The following SNRNP25 variants were observed in gnomAD, a reference collection of about 807,000 sequenced individuals.
SNRNP25 encodes the protein U11/U12 small nuclear ribonucleoprotein 25 kDa protein.
In SNRNP25, 21 loss-of-function variants were observed where a neutral mutation model predicts 23.9. The ratio of observed to expected loss-of-function variants is 0.88; its 90% CI spans 0.62 to 1.27. SNRNP25 has a LOEUF of 1.27. Among genes scored for constraint, SNRNP25 ranks in the 50% most tolerant of loss-of-function variants. SNRNP25 has a pLI of 0.00. For missense variants in SNRNP25, 160 were observed against 156.9 expected (o/e 1.02, Z -0.11); for synonymous variants, 63 against 60.4 (o/e 1.04, Z -0.20).
Position 56,557 on chromosome 16 carries a change from G to A in SNRNP25, c.258G>A (p.Thr86=), listed in dbSNP as rs754019970. 14 of 1,613,910 alleles carry A rather than the reference G, an allele frequency of 8.7e-6. No individual in the cohort carries two copies. Among genetic ancestry groups the A allele is most frequent in the African/African-American group, 4.0e-5 (3 of 74,918 alleles). Residue 86 remains threonine, a synonymous_variant, in exon 4 of 5, where the codon ACG becomes ACA. Transcript: ENST00000293861. Reference sequence around the variant, plus strand: ...CTTGCAGGTCCTACGTGTGGAGGACGTACCATCTGACCTCTGCAGGAGAGA... The same window carrying A: ...CTTGCAGGTCCTACGTGTGGAGGACATACCATCTGACCTCTGCAGGAGAGA... ...QHISWSYVWR[T]YHLTSAGEKL...
chr16:54,208 CG>C, intron 1 of SNRNP25, 150 bp downstream of exon 1: 1 of 865,138 alleles, frequency 1.2e-6, no homozygotes, highest in South Asian at 1.6e-5. Flanking sequence ...TAACCTTGAC[CG>C]GGCGCACTCG....
chr16:56,748 C>G, intron 4 of SNRNP25, 135 bp downstream of exon 4: 1 of 932,986 alleles, frequency 1.1e-6, no homozygotes, highest in East Asian at 2.5e-5. Flanking sequence ...TGGGGCCCTC[C>G]CCACTAGGAG....
chr16:55,928 G>C (rs150346537), intron 3 of SNRNP25, 46 bp downstream of exon 3: 13 of 1,542,860 alleles, frequency 8.4e-6, no homozygotes, highest in South Asian at 2.3e-5. Flanking sequence ...CGTGGGGCTA[G>C]TGCCCTTCTT....
intron 1 of SNRNP25, 77 bp downstream of exon 1, chr16:54,135 G>A (rs1374411475): frequency 1.4e-6 from 2 of 1,479,684 alleles, no homozygotes; most frequent in Non-Finnish European, 1.8e-6. Context: ...AGCCTCCGAA[G>A]GTGCTGGTGG....
chr16:55,716 C>A, intron 2 of SNRNP25, 61 bp from the exon 3 acceptor site: 1 of 1,587,974 alleles, frequency 6.3e-7, no homozygotes. Context: ...TTCCTGCCAT[C>A]GGAGGCTGTG....
chr16:54,387 C>A (rs1401975658), intron 1 of SNRNP25, among the ~76,000 whole-genome samples: 1 of 152,098 alleles, frequency 6.6e-6, no homozygotes, highest in Non-Finnish European at 1.5e-5. Context: ...GTAATTGGGA[C>A]CACAGGTGCG....
intron 1 of SNRNP25, 28 bp downstream of exon 1, chr16:54,086 G>T: frequency 6.3e-7 from 1 of 1,584,480 alleles, no homozygotes; most frequent in Non-Finnish European, 8.5e-7. Context: ...CTGGGGGCGC[G>T]GGAGTCGTTC....
chr16:56,312 T>A (rs1897406522), intron 3 of SNRNP25: 1 of 711,074 alleles, frequency 1.4e-6, no homozygotes, highest in Non-Finnish European at 2.6e-6. Flanking sequence ...CTGTCGCCTG[T>A]TGCATTAGCA....
intron 4 of SNRNP25, 77 bp downstream of exon 4, chr16:56,690 G>C: frequency 6.7e-7 from 1 of 1,500,188 alleles, no homozygotes; most frequent in Non-Finnish European, 9.3e-7. Context: ...CTGCCAGAGG[G>C]CTGCGGCTCC....
At chr16:56,947 C>T (rs933724092) in intron 4 of SNRNP25, 139 bp from the exon 5 acceptor site, 1 of 748,098 alleles carries the variant, frequency 1.3e-6, no homozygotes, top group African/African-American at 5.3e-5. Flanking sequence ...GAGAGGATGG[C>T]CACTGCACTT....
chr16:56,322 A>G (rs1468255412), intron 3 of SNRNP25: 1 of 713,386 alleles, frequency 1.4e-6, no homozygotes, highest in South Asian at 1.5e-5. Flanking sequence ...TTGCATTAGC[A>G]AGGTTTGTTT....
rs145718355 is a variant in SNRNP25 at position 55,515 on chromosome 16, G to A, written c.99G>A (p.Thr33=). ...CCCTAGAATACGGCCAGGCAATGAC[G>A]GTCCGAGTGTGCAAGATGGATGGAG... The part of the protein sequence containing the change: ...QIALEYGQAM[T]VRVCKMDGEV... Residue 33 remains threonine, a synonymous_variant, in exon 2 of 5, where the codon ACG becomes ACA. Transcript: ENST00000293861. The A allele has an allele frequency of 1.2e-5, 19 of 1,614,046 alleles. No individual in the cohort carries two copies. The highest frequency in any genetic ancestry group is 2.7e-5 in the African/African-American group (2 of 74,908).
intron 3 of SNRNP25, 62 bp downstream of exon 3, chr16:55,944 T>G (rs1490323541): frequency 6.8e-7 from 1 of 1,472,194 alleles, no homozygotes; most frequent in Non-Finnish European, 9.3e-7. Flanking sequence ...TTCTTGGCAC[T>G]GTCACCAGGC....
chr16:56,360 A>T, intron 3 of SNRNP25, 179 bp from the exon 4 acceptor site: 1 of 730,974 alleles, frequency 1.4e-6, no homozygotes, highest in Non-Finnish European at 2.5e-6. Context: ...CAGCCCTCTG[A>T]GAACAGAGCC....
chr16:54,077 T>G lies in SNRNP25; in HGVS notation c.42+19T>G, dbSNP rs757854958. 2.5e-5 allele frequency: 40 copies of G among 1,593,260 alleles called. No individual in the cohort carries two copies. In the Admixed American group the frequency reaches 4.5e-4, roughly 18 times the overall value. ...GATCCAGGTGTGTGCGGGCGGGGGC[T>G]GGGGGCGCGGGAGTCGTTCCCCGGG... On this transcript the variant is annotated intron_variant, in intron 1 of 4. Coordinates refer to ENST00000293861, the MANE Select transcript of SNRNP25 (RefSeq NM_024571.4).
chr16:56,197 G>C, intron 3 of SNRNP25: 1 of 661,658 alleles, frequency 1.5e-6, no homozygotes, highest in South Asian at 1.6e-5. Flanking sequence ...GGCCTCCCTA[G>C]TTTTGGATGG....
chr16:54,223 G>A (rs552995349), intron 1 of SNRNP25, among the ~76,000 whole-genome samples, 165 bp downstream of exon 1: 1 of 152,372 alleles, frequency 6.6e-6, no homozygotes, highest in African/African-American at 2.4e-5. Flanking sequence ...GCACTCGCCT[G>A]GGGCGCGAAG....
chr16:53,980 C>T lies in SNRNP25; in HGVS notation c.-37C>T, dbSNP rs779623746. ...AGGACGAAGAAGAGGCGCTGCCGCA[C>T]TCCGAGGCCATGGACGTGTTCCAGG... is the stretch of plus-strand genomic sequence containing the variant. On this transcript the variant is annotated 5_prime_UTR_variant, in exon 1 of 5. Coordinates refer to ENST00000293861, the MANE Select transcript of SNRNP25 (RefSeq NM_024571.4). 16 of 1,607,424 alleles carry T rather than the reference C, an allele frequency of 1.0e-5. No individual in the cohort carries two copies. The highest frequency in any genetic ancestry group is 1.2e-5 in the Non-Finnish European group (14 of 1,177,898).
Position 53,852 on chromosome 16 carries a change from G to C in SNRNP25, c.-165G>C. On this transcript the variant is annotated 5_prime_UTR_variant, in exon 1 of 5. Coordinates refer to ENST00000293861, the MANE Select transcript of SNRNP25 (RefSeq NM_024571.4). The stretch of plus-strand genomic sequence containing the variant: ...CGCAGTTCCTGCGCGTGCGCGCTTG[G>C]CCTCCCTAGTGCGGGCTGGCAGTGC... 1 of 1,444,296 alleles carries C rather than the reference G, an allele frequency of 6.9e-7. No homozygotes were observed. The highest frequency in any genetic ancestry group is 9.3e-7 in the Non-Finnish European group (1 of 1,075,838). The allele number at this position is 1,444,296 out of a possible 1,614,324, so 89.5% of individuals were successfully genotyped here. A position where few individuals can be genotyped will look rare whatever the true frequency, so the allele number is the denominator to read the frequency against.
Sources: gnomAD v4.1 joint callset for allele counts (sites outside exome capture counted in the v4.1 genomes callset) on GRCh38, gnomAD v4.1.1 for gene constraint, MANE v1.5 for transcripts, NCBI Gene and HGNC (gene_info 2026-07-23, HGNC 2026-07-21) for gene names.